The following IBTK variants were observed in gnomAD, a reference collection of about 807,000 sequenced individuals.
IBTK encodes the protein inhibitor of Bruton tyrosine kinase.
IBTK carries 83 observed loss-of-function variants against 154.9 expected under a neutral mutation model. The observed-to-expected ratio is 0.54, with a 90% CI of 0.45 to 0.64. The LOEUF (loss-of-function observed/expected upper bound fraction) is 0.64. Ranked by LOEUF, IBTK falls within the 30% of genes least tolerant of loss-of-function variation. The pLI is 0.00. For synonymous variants in IBTK, 515 were observed against 536.1 expected (o/e 0.96, Z 0.54); for missense variants, 1,332 against 1,584.6 (o/e 0.84, Z 2.71).
chr6:82,212,186 A>C (rs1769678348), intron 13 of IBTK, among the ~76,000 whole-genome samples: 2 of 152,232 alleles, frequency 1.3e-5, no homozygotes, highest in South Asian at 4.1e-4. Context: ...TCGTAGAGAC[A>C]GGATTTCACC....
intron 8 of IBTK, 131 bp from the exon 9 acceptor site, chr6:82,220,844 C>T (rs1770070330): frequency 1.1e-5 from 8 of 696,978 alleles, no homozygotes; most frequent in African/African-American, 1.9e-5. Context: ...ATGATTTGGT[C>T]TTTGGTATCT....
chr6:82,247,407 C>G (rs1771194568), intron 1 of IBTK, among the ~76,000 whole-genome samples, 155 bp downstream of exon 1: 1 of 152,232 alleles, frequency 6.6e-6, no homozygotes, highest in African/African-American at 2.4e-5. Flanking sequence ...GCGCGAAGCC[C>G]GGCAGCCTCG....
chr6:82,173,249 G>A (rs147178241), intron 27 of IBTK, 118 bp downstream of exon 27: 99 of 632,038 alleles, frequency 1.6e-4, no homozygotes, highest in African/African-American at 1.4e-3. Context: ...TGATCCACCC[G>A]CCTCAGTCTC....
intron 16 of IBTK, chr6:82,205,337 A>G (rs1226727707): frequency 6.4e-6 from 1 of 155,452 alleles, no homozygotes; most frequent in African/African-American, 2.4e-5. Context: ...GCTAATACAA[A>G]GAGGGAAAAG....
intron 21 of IBTK, among the ~76,000 whole-genome samples, chr6:82,199,750 T>C (rs1472743004): frequency 6.6e-6 from 1 of 152,184 alleles, no homozygotes; most frequent in Non-Finnish European, 1.5e-5. Flanking sequence ...TAGTTTGGCA[T>C]ATAAGAGCCT....
intron 20 of IBTK, 65 bp downstream of exon 20, chr6:82,200,522 G>C: frequency 7.6e-7 from 1 of 1,324,040 alleles, no homozygotes; most frequent in Non-Finnish European, 1.0e-6. Context: ...TGAGAGTGAA[G>C]GGACACACTG....
chr6:82,223,462 G>T lies in IBTK; in HGVS notation c.1102C>A (p.Gln368Lys), dbSNP rs748988297. The stretch of plus-strand genomic sequence containing the variant: ...TACTTAGAAGCCATCTTCTTGCACT[G>T]ATAGTCTGCAAGTAAGTAAATATCT... Reference protein sequence around the residue: ...RGDIYLLADYQCKKMASKQLN... With the variant: ...RGDIYLLADYKCKKMASKQLN... The change falls in exon 8 of 29, where the codon CAG (glutamine) becomes AAG (lysine). Residue 368 changes from glutamine (Q) to lysine (K), a missense_variant. Physicochemically the swap from Gln to Lys is moderately conservative, Grantham distance 53 (BLOSUM62 1). This residue lies in a region of IBTK where 1,134 missense variants were observed against 1,274.7 expected (regional missense o/e 0.89). Transcript: ENST00000306270. 2.5e-6 allele frequency: 4 copies of T among 1,613,440 alleles called. No individual in the cohort carries two copies. Among genetic ancestry groups the T allele is most frequent in the Non-Finnish European group, 2.5e-6 (3 of 1,179,612 alleles).
At chr6:82,173,085 T>C in intron 27 of IBTK, 1 of 224,716 alleles carries the variant, frequency 4.5e-6, no homozygotes, top group Non-Finnish European at 8.5e-6. Context: ...CAATGCAATC[T>C]CTGCCTCCCA....
At position 82,191,854 on chromosome 6, in the gene IBTK, G is replaced by C. The variant is rs1482825511; in HGVS notation, c.3364C>G (p.Leu1122Val). ...FSPVSPPVVD[L>V]RTIMEIEESR... is the part of the protein sequence containing the mutation. The stretch of plus-strand genomic sequence containing the variant: ...TCTTCTATTTCCATGATAGTTCTGA[G>C]ATCCACAACAGGAGGGCTGACAGGA... The change falls in exon 24 of 29, where the codon CTC (leucine) becomes GTC (valine). Residue 1122 changes from leucine (L) to valine (V), a missense_variant. Physicochemically the swap from Leu to Val is conservative, Grantham distance 32. Coordinates refer to ENST00000306270, the MANE Select transcript of IBTK (RefSeq NM_015525.4). The C allele has an allele frequency of 6.2e-7, 1 of 1,610,718 alleles. No homozygotes were observed. Among genetic ancestry groups the C allele is most frequent in the Non-Finnish European group, 8.5e-7 (1 of 1,177,456 alleles).
chr6:82,206,306 T>C (rs1296955476), intron 16 of IBTK, among the ~76,000 whole-genome samples: 1 of 152,162 alleles, frequency 6.6e-6, no homozygotes, highest in Non-Finnish European at 1.5e-5. Context: ...GCTAGTTCTC[T>C]GAAAATCCCA....
At chr6:82,173,551 A>C in intron 26 of IBTK, 113 bp from the exon 27 acceptor site, 1 of 720,966 alleles carries the variant, frequency 1.4e-6, no homozygotes, top group Non-Finnish European at 2.4e-6. Flanking sequence ...AGGCAAATTA[A>C]ATGAGTGCAG....
chr6:82,231,613 A>T, intron 4 of IBTK, 105 bp downstream of exon 4: 1 of 737,510 alleles, frequency 1.4e-6, no homozygotes, highest in Non-Finnish European at 2.1e-6. Context: ...TTAAAATGTT[A>T]CTGTACCTGA....
At chr6:82,239,279 A>C (rs1403956902) in intron 2 of IBTK, among the ~76,000 whole-genome samples, 1 of 151,240 alleles carries the variant, frequency 6.6e-6, no homozygotes, top group Non-Finnish European at 1.5e-5. Flanking sequence ...ATCTCTACTA[A>C]AAAAATACAA....
intron 11 of IBTK, 71 bp from the exon 12 acceptor site, chr6:82,214,900 T>A: frequency 1.4e-6 from 2 of 1,461,898 alleles, no homozygotes; most frequent in Non-Finnish European, 1.8e-6. Context: ...CCTAGCCAAT[T>A]CTCCTTTAAA....
Position 82,204,978 on chromosome 6 carries a change from A to G in IBTK, c.2510-20T>C. On this transcript the variant is annotated intron_variant, in intron 16 of 28. Coordinates refer to ENST00000306270, the MANE Select transcript of IBTK (RefSeq NM_015525.4). ...GAGATTCTAAAAAAAGAAAGAAAAC[A>G]AGCATCACTTTTTCTTTGTATACAT... 1 of 1,498,534 alleles carries G rather than the reference A, an allele frequency of 6.7e-7. No individual in the cohort carries two copies. Among genetic ancestry groups the G allele is most frequent in the Non-Finnish European group, 9.2e-7 (1 of 1,090,160 alleles). The allele number at this position is 1,498,534 out of a possible 1,614,324, so 92.8% of individuals were successfully genotyped here. A position where few individuals can be genotyped will look rare whatever the true frequency, so the allele number is the denominator to read the frequency against.
intron 26 of IBTK, among the ~76,000 whole-genome samples, chr6:82,177,905 A>C (rs1768177804): frequency 6.6e-6 from 1 of 152,132 alleles, no homozygotes. Flanking sequence ...ATGTATATTA[A>C]TATTTATCAA....
At chr6:82,195,361 A>T (rs1054237591) in intron 22 of IBTK, among the ~76,000 whole-genome samples, 1 of 152,094 alleles carries the variant, frequency 6.6e-6, no homozygotes, top group African/African-American at 2.4e-5. Context: ...GGATTGCTTG[A>T]GTCCAGGAGT....
rs748354129 is a variant in IBTK at position 82,225,665 on chromosome 6, CT to C, written c.655-19del. 3.2e-6 allele frequency: 5 copies of C among 1,574,550 alleles called. No homozygotes were observed. Among genetic ancestry groups the C allele is most frequent in the Non-Finnish European group, 4.3e-6 (5 of 1,156,546 alleles). ...CGAGGGACCTACAAAATAAAATTAA[CT>C]TTAGTATACTACATTAACCATTTAT... On this transcript the variant is annotated intron_variant, in intron 5 of 28. Transcript: ENST00000306270.
intron 2 of IBTK, among the ~76,000 whole-genome samples, chr6:82,237,873 G>A (rs1426908207): frequency 1.3e-5 from 2 of 152,024 alleles, no homozygotes; most frequent in Admixed American, 1.3e-4. Context: ...TTGACCAGAA[G>A]TTCCTTAAGG....
Sources: allele counts gnomAD v4.1 joint callset (sites outside exome capture counted in the v4.1 genomes callset), GRCh38; gene constraint gnomAD v4.1.1; regional missense constraint gnomAD v4.1.1; transcripts MANE v1.5; gene names NCBI Gene and HGNC (gene_info 2026-07-23, HGNC 2026-07-21).